The following FHIT variants were observed in gnomAD, a reference collection of about 807,000 sequenced individuals.
FHIT encodes bis(5'-adenosyl)-triphosphatase.
A neutral mutation model predicts 17.9 loss-of-function variants in FHIT; 19 were observed. The observed-to-expected ratio is 1.06, with a 90% CI of 0.74 to 1.56. The LOEUF (loss-of-function observed/expected upper bound fraction) is 1.56. FHIT is among the 40% of genes most tolerant of loss of function. The pLI is 0.00. For missense variants in FHIT, 248 were observed against 189.2 expected (o/e 1.31, Z -1.82); for synonymous variants, 81 against 69.7 (o/e 1.16, Z -0.81).
At chr3:61,087,370 T>A (rs1049830303) in intron 2 of FHIT, among the ~76,000 whole-genome samples, 1 of 152,148 alleles carries the variant, frequency 6.6e-6, no homozygotes, top group Admixed American at 6.6e-5. Context: ...GAGTATATAA[T>A]CTTTCTCTGG....
At chr3:60,541,673 C>G (rs2036190840) in intron 4 of FHIT, among the ~76,000 whole-genome samples, 1 of 152,172 alleles carries the variant, frequency 6.6e-6, no homozygotes, top group South Asian at 2.1e-4. Context: ...AGTTGCCAAA[C>G]TGGTAGACTA....
At chr3:60,382,874 G>C (rs1700863982) in intron 5 of FHIT, among the ~76,000 whole-genome samples, 1 of 152,156 alleles carries the variant, frequency 6.6e-6, no homozygotes, top group African/African-American at 2.4e-5. Context: ...TCTATCATTA[G>C]CAATCTTTTT....
At chr3:60,378,836 C>T (rs1700686992) in intron 5 of FHIT, among the ~76,000 whole-genome samples, 1 of 152,080 alleles carries the variant, frequency 6.6e-6, no homozygotes, top group African/African-American at 2.4e-5. Flanking sequence ...GCCCAAAGGC[C>T]AAGCCTAGGA....
At chr3:60,133,427 G>C (rs1443447404) in intron 5 of FHIT, among the ~76,000 whole-genome samples, 1 of 152,142 alleles carries the variant, frequency 6.6e-6, no homozygotes, top group Non-Finnish European at 1.5e-5. Context: ...GGAATGAGTT[G>C]GGGCAAGCAC....
At chr3:61,075,305 G>C (rs546397840) in intron 2 of FHIT, among the ~76,000 whole-genome samples, 1 of 152,016 alleles carries the variant, frequency 6.6e-6, no homozygotes, top group South Asian at 2.1e-4. Context: ...TGGTGGCAGG[G>C]GGGAGTACTA....
At chr3:60,626,421 AT>A (rs1434725475) in intron 4 of FHIT, among the ~76,000 whole-genome samples, 5 of 152,180 alleles carry the variant, frequency 3.3e-5, no homozygotes, top group African/African-American at 7.2e-5. Flanking sequence ...CAGAGTTTAT[AT>A]TTTTTGTTGC....
intron 5 of FHIT, among the ~76,000 whole-genome samples, chr3:60,184,361 AG>A (rs576355988): frequency 4.7e-3 from 712 of 152,252 alleles, no homozygotes; most frequent in African/African-American, 0.016. Flanking sequence ...ATGTTGCTTA[AG>A]ACTTTTCTTA....
chr3:60,622,057 G>A (rs1338287907), intron 4 of FHIT, among the ~76,000 whole-genome samples: 2 of 152,042 alleles, frequency 1.3e-5, no homozygotes, highest in African/African-American at 4.8e-5. Flanking sequence ...CCCCATCTTA[G>A]AGGCAAGAAA....
At chr3:60,952,692 C>T (rs1708944336) in intron 3 of FHIT, among the ~76,000 whole-genome samples, 1 of 152,118 alleles carries the variant, frequency 6.6e-6, no homozygotes, top group Admixed American at 6.6e-5. Context: ...TGAAACAAAA[C>T]CCCCATATAG....
At chr3:59,817,027 G>C (rs1700622908) in intron 8 of FHIT, among the ~76,000 whole-genome samples, 4 of 152,154 alleles carry the variant, frequency 2.6e-5, no homozygotes. Flanking sequence ...TTCCCAGGGA[G>C]CAGGTAGAAG....
At chr3:61,018,026 A>G (rs1179800439) in intron 3 of FHIT, among the ~76,000 whole-genome samples, 1 of 152,224 alleles carries the variant, frequency 6.6e-6, no homozygotes, top group Non-Finnish European at 1.5e-5. Context: ...ATAAAAATTA[A>G]AATAATGGCA....
intron 5 of FHIT, among the ~76,000 whole-genome samples, chr3:60,028,462 G>C (rs575029920): frequency 5.3e-5 from 8 of 152,170 alleles, no homozygotes; most frequent in Admixed American, 6.5e-5. Context: ...TCCAAAGTCT[G>C]TCAGTGACTG....
In FHIT at chr3:60,259,037, C is replaced by A. The variant is rs143565309; in HGVS notation, c.104-244885G>T. Among the ~76,000 whole-genome samples, 89 of 150,516 alleles carry A rather than the reference C, an allele frequency of 5.9e-4. 1 individual carries two copies. Among genetic ancestry groups the A allele is most frequent in the African/African-American group, 2.2e-3 (87 of 40,384 alleles). ...ATGCCATATTTTGAAGTCATGTGTCCTGAACCCTATTCAGTTAAAAAAAAA... is the reference window on the plus strand; with the variant it reads ...ATGCCATATTTTGAAGTCATGTGTCATGAACCCTATTCAGTTAAAAAAAAA... On this transcript the variant is annotated intron_variant, in intron 5 of 9. Coordinates refer to ENST00000492590, the MANE Select transcript of FHIT (RefSeq NM_002012.4).
chr3:60,061,410 T>G (rs927986844), intron 5 of FHIT, among the ~76,000 whole-genome samples: 17 of 152,236 alleles, frequency 1.1e-4, no homozygotes, highest in Non-Finnish European at 5.9e-5. Context: ...GAAGAGTCTG[T>G]TTGTAGAGAT....
intron 9 of FHIT, 183 bp downstream of exon 9, chr3:59,752,038 G>C: frequency 2.0e-6 from 1 of 490,618 alleles, no homozygotes; most frequent in Non-Finnish European, 3.6e-6. Context: ...AGTTGGAAGA[G>C]ACTGGGAGGC....
chr3:59,826,905 T>C (rs1408253488), intron 8 of FHIT, among the ~76,000 whole-genome samples: 1 of 152,260 alleles, frequency 6.6e-6, no homozygotes, highest in Non-Finnish European at 1.5e-5. Context: ...GTCCACCTTA[T>C]GGCATCCTAA....
intron 4 of FHIT, among the ~76,000 whole-genome samples, chr3:60,614,040 G>C (rs1458818120): frequency 6.6e-6 from 1 of 152,068 alleles, no homozygotes; most frequent in Non-Finnish European, 1.5e-5. Context: ...ACAGGTTGTG[G>C]GTGGGTGGAG....
rs117620239 is a variant in FHIT, at chr3:60,598,360, C to T, written c.-17-61381G>A. Among the ~76,000 whole-genome samples, 30 of 152,192 alleles carry T rather than the reference C, an allele frequency of 2.0e-4. No individual in the cohort carries two copies. In the East Asian group the frequency reaches 5.6e-3, roughly 28 times the overall value. ...CCTCTCAGAATTATTAATAAACTTACCATATTTTGGTTAAAATATTTGCTC... is the reference window on the plus strand; with the variant it reads ...CCTCTCAGAATTATTAATAAACTTATCATATTTTGGTTAAAATATTTGCTC... On this transcript the variant is annotated intron_variant, in intron 4 of 9. Transcript: ENST00000492590.
At chr3:60,732,684 C>CTTTTTTTTTTTTTTTTTT in intron 4 of FHIT, 1 of 166,694 alleles carries the variant, frequency 6.0e-6, no homozygotes, top group Non-Finnish European at 1.1e-5. Flanking sequence ...GCAAAGACTG[C>CTTTTTTTTTTTTTTTTTT]TTTTTTTTTT....
Sources: gnomAD v4.1 joint callset for allele counts (sites outside exome capture counted in the v4.1 genomes callset) on GRCh38, gnomAD v4.1.1 for gene constraint, MANE v1.5 for transcripts, NCBI Gene and HGNC (gene_info 2026-07-23, HGNC 2026-07-21) for gene names.